Variants in C8orf34 observed in about 807,000 individuals in gnomAD.
C8orf34 encodes the protein chromosome 8 open reading frame 34.
Under a neutral mutation model 68.3 loss-of-function variants are expected in C8orf34, and 65 were observed. The ratio of observed to expected loss-of-function variants is 0.95; its 90% CI spans 0.78 to 1.17. The LOEUF (loss-of-function observed/expected upper bound fraction) is 1.17, where lower values mean the gene tolerates loss of function less well. C8orf34 is among the 50% of genes most tolerant of loss of function. C8orf34 has a pLI of 0.00. For synonymous variants in C8orf34, 244 were observed against 241.2 expected, an observed-to-expected ratio of 1.01 and a Z score of -0.11; for missense variants, 664 against 655.4, an observed-to-expected ratio of 1.01 and a Z score of -0.14.
chr8:68,427,441 T>G (rs1254207581), intron 1 of C8orf34, among the ~76,000 whole-genome samples: 1 of 151,992 alleles, frequency 6.6e-6, no homozygotes, highest in Non-Finnish European at 1.5e-5. Context: ...AAAGCAAATA[T>G]CAAAAAGATA....
intron 4 of C8orf34, 60 bp downstream of exon 4, chr8:68,468,880 C>A (rs908347430): frequency 6.5e-7 from 1 of 1,545,800 alleles, no homozygotes; most frequent in Admixed American, 1.9e-5. Flanking sequence ...CCGAAGCATT[C>A]ATTACTTGTG....
chr8:68,785,300 C>T (rs1823814214), intron 11 of C8orf34, among the ~76,000 whole-genome samples: 2 of 152,076 alleles, frequency 1.3e-5, no homozygotes, highest in South Asian at 2.1e-4. Context: ...AAATTCATAC[C>T]GACGTCTTTA....
intron 12 of C8orf34, among the ~76,000 whole-genome samples, chr8:68,802,019 A>G (rs1169842113): frequency 6.6e-6 from 1 of 152,172 alleles, no homozygotes; most frequent in East Asian, 1.9e-4. Context: ...TACATTCTAT[A>G]TACAGCTTTA....
intron 7 of C8orf34, among the ~76,000 whole-genome samples, chr8:68,560,566 ACTACAAAC>A (rs1816391767): frequency 1.3e-5 from 2 of 152,220 alleles, no homozygotes; most frequent in African/African-American, 4.8e-5. Context: ...GGTACAGCCT[ACTACAAAC>A]CTAGGTTAGA....
intron 7 of C8orf34, among the ~76,000 whole-genome samples, chr8:68,556,415 A>G (rs549029743): frequency 6.6e-6 from 1 of 151,988 alleles, no homozygotes; most frequent in East Asian, 1.9e-4. Context: ...ATTTATTCTA[A>G]ATAATTTTTT....
At chr8:68,537,104 C>T (rs912235707) in intron 7 of C8orf34, among the ~76,000 whole-genome samples, 1 of 152,014 alleles carries the variant, frequency 6.6e-6, no homozygotes, top group African/African-American at 2.4e-5. Flanking sequence ...AAATTGGAGG[C>T]TTCTTAAAGA....
Position 68,731,612 on chromosome 8 carries a change from G to T in C8orf34, c.1404+10175G>T, listed in dbSNP as rs527693834. ...TATTCTTTTTTCCCACTATGGTTTT[G>T]TTATTCTGAAAGTTAAAAAAAAAAT... On this transcript the variant is annotated intron_variant, in intron 10 of 13. Transcript: ENST00000518698. Among the ~76,000 whole-genome samples, 11 of 151,310 alleles carry T rather than the reference G, an allele frequency of 7.3e-5. No homozygotes were observed. The East Asian group carries it at 1.2e-3, about 16-fold the overall frequency.
chr8:68,813,345 A>G (rs1291738433), intron 12 of C8orf34, among the ~76,000 whole-genome samples: 1 of 152,084 alleles, frequency 6.6e-6, no homozygotes, highest in African/African-American at 2.4e-5. Flanking sequence ...AGGTTATTTC[A>G]GAAACTTGAA....
At chr8:68,534,288 C>T (rs555729124) in intron 7 of C8orf34, 9 of 985,260 alleles carry the variant, frequency 9.1e-6, no homozygotes, top group Non-Finnish European at 1.1e-5. Context: ...CCAATTGGGT[C>T]TTTTCCTCAC....
At chr8:68,477,768 C>T (rs1812684880) in intron 4 of C8orf34, among the ~76,000 whole-genome samples, 1 of 152,238 alleles carries the variant, frequency 6.6e-6, no homozygotes. Context: ...GTTTCCCAAA[C>T]TTCAATTCTT....
At chr8:68,599,205 A>G in intron 7 of C8orf34, among the ~76,000 whole-genome samples, 1 of 152,078 alleles carries the variant, frequency 6.6e-6, no homozygotes, top group East Asian at 1.9e-4. Flanking sequence ...ATAAATGCTA[A>G]ATATACGTTT....
chr8:68,429,035 T>G (rs1412289586), intron 1 of C8orf34, among the ~76,000 whole-genome samples: 4 of 152,040 alleles, frequency 2.6e-5, no homozygotes, highest in African/African-American at 7.2e-5. Flanking sequence ...AGATAGAGGA[T>G]TTTAAAAAAT....
intron 1 of C8orf34, among the ~76,000 whole-genome samples, chr8:68,403,898 C>A (rs1469531431): frequency 2.0e-5 from 3 of 152,146 alleles, no homozygotes; most frequent in African/African-American, 7.2e-5. Context: ...GGTATATACC[C>A]AGTAATGGGA....
chr8:68,475,490 G>A (rs1257419177), intron 4 of C8orf34, among the ~76,000 whole-genome samples: 1 of 152,122 alleles, frequency 6.6e-6, no homozygotes, highest in Non-Finnish European at 1.5e-5. Flanking sequence ...CCTCTTTTCT[G>A]AGACCTCCCC....
intron 10 of C8orf34, among the ~76,000 whole-genome samples, chr8:68,743,424 G>A (rs1265790222): frequency 5.9e-5 from 9 of 152,160 alleles, no homozygotes; most frequent in Non-Finnish European, 1.0e-4. Context: ...CGCAGAAGAC[G>A]GGTGATTTCT....
At chr8:68,780,443 G>A (rs1176984484) in intron 11 of C8orf34, among the ~76,000 whole-genome samples, 1 of 152,088 alleles carries the variant, frequency 6.6e-6, no homozygotes, top group Non-Finnish European at 1.5e-5. Context: ...AAATAGTCAT[G>A]TACATTTATT....
Position 68,710,146 on chromosome 8 carries a change from G to A in C8orf34, c.1327+1067G>A, listed in dbSNP as rs542224191. Among the ~76,000 whole-genome samples the A allele has an allele frequency of 5.3e-4, 81 of 152,198 alleles. 1 individual carries two copies. Among genetic ancestry groups the A allele is most frequent in the East Asian group, 7.7e-4 (4 of 5,168 alleles). ...CAGGACTAGATTGCGGCTCCCACTC[G>A]GACAGACAGAGCAGCATGTAGAAAC... On this transcript the variant is annotated intron_variant, in intron 9 of 13. Coordinates refer to ENST00000518698, the MANE Select transcript of C8orf34 (RefSeq NM_052958.4).
intron 3 of C8orf34, among the ~76,000 whole-genome samples, chr8:68,461,187 A>G (rs956969633): frequency 1.3e-5 from 2 of 152,260 alleles, no homozygotes; most frequent in African/African-American, 4.8e-5. Flanking sequence ...AAGAAAGCGT[A>G]TCAGTGATGG....
chr8:68,700,484 A>G (rs982186409), intron 8 of C8orf34, among the ~76,000 whole-genome samples: 2 of 152,126 alleles, frequency 1.3e-5, no homozygotes, highest in African/African-American at 4.8e-5. Flanking sequence ...GTAGGGCAGC[A>G]GTGACTTTTT....
Sources: allele counts gnomAD v4.1 joint callset (sites outside exome capture counted in the v4.1 genomes callset), GRCh38; gene constraint gnomAD v4.1.1; transcripts MANE v1.5; gene names NCBI Gene and HGNC (gene_info 2026-07-23, HGNC 2026-07-21).